CCND2: variants seen among roughly 807,000 people sequenced by gnomAD.
The protein encoded by CCND2 is cyclin D2.
A neutral mutation model predicts 30.2 loss-of-function variants in CCND2; 6 were observed. That is an observed-to-expected ratio of 0.20 (90% CI 0.11 to 0.39). CCND2 has a LOEUF of 0.39. CCND2 is among the 10% of genes least tolerant of loss of function. The pLI is 1.00. For missense variants in CCND2, 235 were observed against 373.4 expected (o/e 0.63, Z 3.06); for synonymous variants, 150 against 153.1 (o/e 0.98, Z 0.15).
chr12:4,297,798 G>C, intron 4 of CCND2: 1 of 448,076 alleles, frequency 2.2e-6, no homozygotes, highest in Non-Finnish European at 4.5e-6. Context: ...ATGTAACCAG[G>C]AGATGCCACA....
rs950600944 is a variant in CCND2, at chr12:4,274,331, G to A, written c.195+96G>A. 43 of 1,348,226 alleles carry A rather than the reference G, an allele frequency of 3.2e-5. No individual in the cohort carries two copies. The highest frequency in any genetic ancestry group is 4.3e-5 in the Non-Finnish European group (42 of 968,096). The allele number at this position is 1,348,226 out of a possible 1,614,324, so 83.5% of individuals were successfully genotyped here. On this transcript the variant is annotated intron_variant, in intron 1 of 4. Coordinates refer to ENST00000261254, the MANE Select transcript of CCND2 (RefSeq NM_001759.4). The surrounding 1 kb of genome is among the most constrained non-coding windows in gnomAD (Gnocchi z 7.7). ...AAACCTGGGAGAGGGCAATCCCCGCGCCGGCCTCCCGGCTCCTGTGCGGGA... is the reference window on the plus strand; with the variant it reads ...AAACCTGGGAGAGGGCAATCCCCGCACCGGCCTCCCGGCTCCTGTGCGGGA...
chr12:4,292,509 GTC>G (rs1864114587), intron 4 of CCND2, among the ~76,000 whole-genome samples: 1 of 152,136 alleles, frequency 6.6e-6, no homozygotes, highest in East Asian at 1.9e-4. Flanking sequence ...GGCCAGGCGA[GTC>G]TCTGTGGTTC....
At position 4,282,619 on chromosome 12, in the gene CCND2, G is replaced by A. The variant is rs563348943; in HGVS notation, c.571+3700G>A. 6.6e-5 allele frequency among the ~76,000 whole-genome samples: 10 copies of A among 152,328 alleles called. No individual in the cohort carries two copies. In the South Asian group the frequency reaches 1.4e-3, roughly 22 times the overall value. ...GCCGCGAGGTCATGGGACTGAGGGG[G>A]AGTCGTTAGCATGCCCTGTGGGGAC... On this transcript the variant is annotated intron_variant, in intron 3 of 4. Transcript: ENST00000261254. The surrounding 1 kb of genome is among the most constrained non-coding windows in gnomAD (Gnocchi z 4.3).
chr12:4,297,442 G>A (rs541183165), intron 4 of CCND2, among the ~76,000 whole-genome samples: 25 of 151,892 alleles, frequency 1.6e-4, no homozygotes, highest in South Asian at 4.2e-4. Flanking sequence ...GTGGTGGCAC[G>A]TGCCTATAAT....
rs575824923 is a variant in CCND2, at chr12:4,302,166, C to T, written c.*2157C>T. On this transcript the variant is annotated 3_prime_UTR_variant, in exon 5 of 5. Coordinates refer to ENST00000261254, the MANE Select transcript of CCND2 (RefSeq NM_001759.4). ...TCAGGTGGAAGGCAGGGCGGTCTCACTCCCAGGGACCTTTTTGGTCATGGA... is the reference window on the plus strand; with the variant it reads ...TCAGGTGGAAGGCAGGGCGGTCTCATTCCCAGGGACCTTTTTGGTCATGGA... The T allele has an allele frequency of 4.9e-4, 115 of 233,286 alleles. No homozygotes were observed. Among genetic ancestry groups the T allele is most frequent in the African/African-American group, 2.1e-3 (94 of 45,410 alleles). 14.5% of individuals were successfully genotyped at this position (233,286 alleles called of 1,614,324 possible).
chr12:4,297,252 A>T (rs1410051492), intron 4 of CCND2, among the ~76,000 whole-genome samples: 1 of 152,150 alleles, frequency 6.6e-6, no homozygotes, highest in Non-Finnish European at 1.5e-5. Flanking sequence ...TCAAACATCT[A>T]CTGAAATGCA....
intron 3 of CCND2, among the ~76,000 whole-genome samples, chr12:4,280,069 C>G (rs1337796253): frequency 6.9e-6 from 1 of 145,722 alleles, no homozygotes; most frequent in Non-Finnish European, 1.5e-5. Context: ...TGCTTAACCT[C>G]TCTGAACCCG....
chr12:4,289,672 T>G (rs1212561079), intron 4 of CCND2, among the ~76,000 whole-genome samples: 1 of 152,082 alleles, frequency 6.6e-6, no homozygotes, highest in Non-Finnish European at 1.5e-5. Context: ...GAAGAAAGGT[T>G]TTGAGAGAGA....
rs1048216099 is a variant in CCND2, at chr12:4,300,646, GAT to G, written c.*638_*639del. 2 of 233,634 alleles carry G rather than the reference GAT, an allele frequency of 8.6e-6. No individual in the cohort carries two copies. Among genetic ancestry groups the G allele is most frequent in the Non-Finnish European group, 8.5e-6 (1 of 118,078 alleles). The allele number at this position is 233,634 out of a possible 1,614,324, so 14.5% of individuals were successfully genotyped here. On this transcript the variant is annotated 3_prime_UTR_variant, in exon 5 of 5. Coordinates refer to ENST00000261254, the MANE Select transcript of CCND2 (RefSeq NM_001759.4). ...CTACAGTAGCTGCTACCTAAAAAAA[GAT>G]GTTTTATTTTGCCAGTTGGACACAG...
intron 2 of CCND2, among the ~76,000 whole-genome samples, chr12:4,277,187 T>A (rs559030447): frequency 6.6e-6 from 1 of 152,192 alleles, no homozygotes; most frequent in Non-Finnish European, 1.5e-5. Context: ...CTGAATGACT[T>A]CACCTTTGAA....
In CCND2 at chr12:4,274,288, G is replaced by T; in HGVS notation, c.195+53G>T. The T allele has an allele frequency of 6.3e-7, 1 of 1,582,278 alleles. No individual in the cohort carries two copies. Among genetic ancestry groups the T allele is most frequent in the Non-Finnish European group, 8.6e-7 (1 of 1,157,234 alleles). On this transcript the variant is annotated intron_variant, in intron 1 of 4. Coordinates refer to ENST00000261254, the MANE Select transcript of CCND2 (RefSeq NM_001759.4). The surrounding 1 kb of genome is among the most constrained non-coding windows in gnomAD (Gnocchi z 7.7). ...AGCCAGGACCCCTCCGGATGCTCGG[G>T]TCCCCGGCCGGAGCCCTAAACCTGG...
chr12:4,276,331 C>G lies in CCND2; in HGVS notation c.411+111C>G. On this transcript the variant is annotated intron_variant, in intron 2 of 4. Transcript: ENST00000261254. This position sits in a 1 kb window ranked among gnomAD's most constrained non-coding sequence, Gnocchi z 4.8. The stretch of plus-strand genomic sequence containing the variant: ...GCAAATTCTTGGGATCCAGAATGAC[C>G]CCACCAATAGAATTTACCCACTTAT... The G allele has an allele frequency of 1.2e-6, 1 of 845,516 alleles. No homozygotes were observed. Among genetic ancestry groups the G allele is most frequent in the Non-Finnish European group, 1.8e-6 (1 of 541,734 alleles). The allele number at this position is 845,516 out of a possible 1,614,324, so 52.4% of individuals were successfully genotyped here.
intron 4 of CCND2, among the ~76,000 whole-genome samples, chr12:4,294,638 A>AG (rs1864143155): frequency 6.6e-6 from 1 of 152,172 alleles, no homozygotes; most frequent in Non-Finnish European, 1.5e-5. Flanking sequence ...CTGAAATTGG[A>AG]GGCTTGCCCT....
In CCND2 at chr12:4,299,087, C is replaced by T. The variant is rs947919582; in HGVS notation, c.721-773C>T. On this transcript the variant is annotated intron_variant, in intron 4 of 4. Coordinates refer to ENST00000261254, the MANE Select transcript of CCND2 (RefSeq NM_001759.4). The surrounding 1 kb of genome is among the most constrained non-coding windows in gnomAD (Gnocchi z 5.2). Reference sequence around the variant, plus strand: ...TTTTTTTTAAGTATTTACAGTGAGGCGCGGTGGCTCATGCCTGTAATCCCA... The same window carrying T: ...TTTTTTTTAAGTATTTACAGTGAGGTGCGGTGGCTCATGCCTGTAATCCCA... 1.3e-5 allele frequency among the ~76,000 whole-genome samples: 2 copies of T among 152,052 alleles called. No individual in the cohort carries two copies. The highest frequency in any genetic ancestry group is 2.1e-4 in the South Asian group (1 of 4,822).
rs930932681 is a variant in CCND2 at position 4,276,356 on chromosome 12, T to C, written c.411+136T>C. 4.4e-6 allele frequency: 3 copies of C among 680,216 alleles called. No homozygotes were observed. Among genetic ancestry groups the C allele is most frequent in the Non-Finnish European group, 4.9e-6 (2 of 404,398 alleles). 42.1% of individuals were successfully genotyped at this position (680,216 alleles called of 1,614,324 possible). On this transcript the variant is annotated intron_variant, in intron 2 of 4. Coordinates refer to ENST00000261254, the MANE Select transcript of CCND2 (RefSeq NM_001759.4). This position sits in a 1 kb window ranked among gnomAD's most constrained non-coding sequence, Gnocchi z 4.8. ...CCCACCAATAGAATTTACCCACTTA[T>C]GGGCGATAGCTCATTTAATAGGAAA...
Position 4,276,235 on chromosome 12 carries a change from C to G in CCND2, c.411+15C>G, listed in dbSNP as rs1161687531. On this transcript the variant is annotated intron_variant, in intron 2 of 4. Transcript: ENST00000261254. This position sits in a 1 kb window ranked among gnomAD's most constrained non-coding sequence, Gnocchi z 4.8. ...AGGAGCTGCTGGTAATGACCGGCCC[C>G]TTCCTCCCTTCCTTTCTGCGATTCC... 1 of 1,603,372 alleles carries G rather than the reference C, an allele frequency of 6.2e-7. No individual in the cohort carries two copies. Among genetic ancestry groups the G allele is most frequent in the African/African-American group, 1.3e-5 (1 of 74,752 alleles).
intron 4 of CCND2, among the ~76,000 whole-genome samples, chr12:4,298,230 C>G (rs1298005960): frequency 6.6e-6 from 1 of 152,210 alleles, no homozygotes; most frequent in Non-Finnish European, 1.5e-5. Flanking sequence ...CACCCTTCCT[C>G]ATTTCATTGT....
At position 4,294,552 on chromosome 12, in the gene CCND2, C is replaced by G. The variant is rs189439706; in HGVS notation, c.721-5308C>G. ...TTTTCCAGCCACTTGGGCTCTGTCT[C>G]TTTTTCTTGGAGATTCTCTGGTCTG... On this transcript the variant is annotated intron_variant, in intron 4 of 4. Transcript: ENST00000261254. Among the ~76,000 whole-genome samples the G allele has an allele frequency of 1.3e-3, 199 of 152,278 alleles. 1 individual carries two copies. The highest frequency in any genetic ancestry group is 4.7e-3 in the African/African-American group (195 of 41,532).
intron 4 of CCND2, among the ~76,000 whole-genome samples, chr12:4,291,538 T>C (rs1471855733): frequency 6.6e-6 from 1 of 152,130 alleles, no homozygotes; most frequent in African/African-American, 2.4e-5. Flanking sequence ...AGCAGTTGTA[T>C]GATGAAGCAA....
Sources: gnomAD v4.1 joint callset for allele counts (sites outside exome capture counted in the v4.1 genomes callset) on GRCh38, gnomAD v4.1.1 for gene constraint, Gnocchi (gnomAD v3.1) non-coding constraint, MANE v1.5 for transcripts, NCBI Gene and HGNC (gene_info 2026-07-23, HGNC 2026-07-21) for gene names.